The following ABCB10 variants were observed in gnomAD, a reference collection of about 807,000 sequenced individuals.
ABCB10 encodes the protein ATP-binding cassette sub-family B member 10, mitochondrial.
In ABCB10, 54 loss-of-function variants were observed where a neutral mutation model predicts 65.4. The observed-to-expected ratio is 0.83, with a 90% confidence interval of 0.66 to 1.04. The LOEUF (loss-of-function observed/expected upper bound fraction) is 1.04. Among genes scored for constraint, ABCB10 ranks in the 50% least tolerant of loss-of-function variants. The probability of loss-of-function intolerance (pLI) is 0.00; values close to 1 mark genes in which losing one functional copy is unlikely to be tolerated. For synonymous variants in ABCB10, 418 were observed against 406.5 expected, an observed-to-expected ratio of 1.03 and a Z score of -0.34; for missense variants, 846 against 976.6, an observed-to-expected ratio of 0.87 and a Z score of 1.78.
intron 6 of ABCB10, among the ~76,000 whole-genome samples, chr1:229,536,714 G>A (rs1412688849): frequency 6.6e-6 from 1 of 152,140 alleles, no homozygotes; most frequent in African/African-American, 2.4e-5. Context: ...CCAGCACTCT[G>A]GGAAGCAGAG....
intron 1 of ABCB10, among the ~76,000 whole-genome samples, chr1:229,557,635 T>C (rs1018098995): frequency 1.3e-5 from 2 of 152,218 alleles, no homozygotes; most frequent in African/African-American, 4.8e-5. Flanking sequence ...TGTAACTTCC[T>C]GCACAAGAGA....
intron 11 of ABCB10, among the ~76,000 whole-genome samples, chr1:229,520,074 CA>C (rs34054795): frequency 0.24 from 36,413 of 148,676 alleles, 4,748 homozygotes; most frequent in African/African-American, 0.33. Flanking sequence ...GTCAAGGCTA[CA>C]AGTGAGCCAT....
At position 229,518,823 on chromosome 1, in the gene ABCB10, T is replaced by C; in HGVS notation, c.1985+18A>G. 2 of 1,583,916 alleles carry C rather than the reference T, an allele frequency of 1.3e-6. No homozygotes were observed. The highest frequency in any genetic ancestry group is 1.7e-6 in the Non-Finnish European group (2 of 1,167,010). On this transcript the variant is annotated intron_variant, in intron 12 of 12. Coordinates refer to ENST00000344517, the MANE Select transcript of ABCB10 (RefSeq NM_012089.3). ...GGTTTAATACACACAATGGCATATA[T>C]TATTAAGATATCCTCACCTGGTTGC...
chr1:229,540,501 T>C, intron 5 of ABCB10, 105 bp downstream of exon 5: 1 of 1,227,512 alleles, frequency 8.1e-7, no homozygotes. Context: ...AAGACTAAAA[T>C]TTTAAAAATT....
At chr1:229,527,443 C>T in intron 8 of ABCB10, 135 bp from the exon 9 acceptor site, 1 of 736,230 alleles carries the variant, frequency 1.4e-6, no homozygotes, top group Non-Finnish European at 2.3e-6. Flanking sequence ...CAGATGGACT[C>T]TAAAACTAAC....
chr1:229,531,040 A>G (rs1307606100), intron 7 of ABCB10, among the ~76,000 whole-genome samples: 1 of 152,096 alleles, frequency 6.6e-6, no homozygotes, highest in Non-Finnish European at 1.5e-5. Flanking sequence ...GCTACCTGAC[A>G]ATGTCCTAGG....
At chr1:229,525,797 C>A (rs2102685135) in intron 10 of ABCB10, 139 bp downstream of exon 10, 1 of 998,644 alleles carries the variant, frequency 1.0e-6, no homozygotes, top group Non-Finnish European at 1.5e-6. Context: ...GCGCCACTGC[C>A]ACTGCACTCC....
rs547717909 is a variant in ABCB10, at chr1:229,528,871, T to C, written c.1645+1328A>G. On this transcript the variant is annotated intron_variant, in intron 8 of 12. Transcript: ENST00000344517. ...TCATGATTTGATTTTTACTAAGAGT[T>C]GTTTGCTTGCTGACATTGTTGTCTA... Among the ~76,000 whole-genome samples the C allele has an allele frequency of 8.9e-4, 135 of 152,248 alleles. 1 individual carries two copies. Among genetic ancestry groups the C allele is most frequent in the African/African-American group, 3.1e-3 (130 of 41,546 alleles).
At chr1:229,540,543 AG>A in intron 5 of ABCB10, 62 bp downstream of exon 5, 1 of 1,494,800 alleles carries the variant, frequency 6.7e-7, no homozygotes, top group Non-Finnish European at 9.0e-7. Flanking sequence ...TGAGCACCAC[AG>A]AATAAAACTC....
At chr1:229,529,306 A>AAAAAAAAAAAAAAAAAAAAAAAAAAAAAC (rs1662520397) in intron 8 of ABCB10, among the ~76,000 whole-genome samples, 1 of 124,790 alleles carries the variant, frequency 8.0e-6, no homozygotes, top group African/African-American at 3.1e-5. Context: ...AAAAAAAAAA[A>AAAAAAAAAAAAAAAAAAAAAAAAAAAAAC]AAAAAAAAAA....
In ABCB10 at chr1:229,558,481, G is replaced by A. The variant is rs1416790671; in HGVS notation, c.172C>T (p.Leu58=). The change falls in exon 1 of 13, where the codon CTG becomes TTG. Residue 58 remains leucine, a synonymous_variant. Transcript: ENST00000344517. ...CGCGCGGCTCCAACGCCCCAGAGCA[G>A]CGCGGGCCCCGCGCCCCATAGCCGC... ...PARLWGAGPA[L]LWGVGAARRW... The A allele has an allele frequency of 2.3e-6, 3 of 1,292,840 alleles. No individual in the cohort carries two copies. The highest frequency in any genetic ancestry group is 2.1e-5 in the South Asian group (1 of 48,668). 80.1% of individuals were successfully genotyped at this position (1,292,840 alleles called of 1,614,324 possible). A position where few individuals can be genotyped will look rare whatever the true frequency, so the allele number is the denominator to read the frequency against.
In ABCB10 at chr1:229,558,669, C is replaced by T. The variant is rs1347147585; in HGVS notation, c.-17G>A. The stretch of plus-strand genomic sequence containing the variant: ...GCCTCGCATGGCGCTGCGTGCGACC[C>T]GTACGCCTCAGCCCGCCGGCCAGGC... On this transcript the variant is annotated 5_prime_UTR_variant, in exon 1 of 13. Coordinates refer to ENST00000344517, the MANE Select transcript of ABCB10 (RefSeq NM_012089.3). 3.9e-6 allele frequency: 5 copies of T among 1,298,504 alleles called. No individual in the cohort carries two copies. Among genetic ancestry groups the T allele is most frequent in the Non-Finnish European group, 3.9e-6 (4 of 1,026,104 alleles). 80.4% of individuals were successfully genotyped at this position (1,298,504 alleles called of 1,614,324 possible).
At chr1:229,520,007 A>G (rs1416799614) in intron 11 of ABCB10, among the ~76,000 whole-genome samples, 1 of 150,782 alleles carries the variant, frequency 6.6e-6, no homozygotes, top group Non-Finnish European at 1.5e-5. Context: ...TATGGTATGC[A>G]CCTATAGTCC....
chr1:229,536,488 A>G (rs1019946311), intron 6 of ABCB10, among the ~76,000 whole-genome samples: 13 of 151,786 alleles, frequency 8.6e-5, no homozygotes, highest in Admixed American at 5.9e-4. Flanking sequence ...GCCTGGAGAC[A>G]GAGTAAGACC....
In ABCB10 at chr1:229,554,413, TTAAAA is replaced by T. The variant is rs374745639; in HGVS notation, c.517+3718_517+3722del. 4.6e-4 allele frequency among the ~76,000 whole-genome samples: 70 copies of T among 152,116 alleles called. 1 individual carries two copies. The highest frequency in any genetic ancestry group is 1.6e-3 in the African/African-American group (68 of 41,482). On this transcript the variant is annotated intron_variant, in intron 1 of 12. Transcript: ENST00000344517. ...AGTTAGGAGTATCCCAAAGACAAAA[TTAAAA>T]TAAAACAGTTAGGGGTACCTGTCCC... is the stretch of plus-strand genomic sequence containing the variant.
Position 229,523,645 on chromosome 1 carries a change from G to A in ABCB10, c.1907-2010C>T, listed in dbSNP as rs1571956672. On this transcript the variant is annotated intron_variant, in intron 10 of 12. Transcript: ENST00000344517. ...TCTGAGTCATGTGTGGTGCCAATCAGTACCCTGGGAATCTATTACTAGGTG... is the reference window on the plus strand; with the variant it reads ...TCTGAGTCATGTGTGGTGCCAATCAATACCCTGGGAATCTATTACTAGGTG... Among the ~76,000 whole-genome samples the A allele has an allele frequency of 2.0e-5, 3 of 152,242 alleles. No individual in the cohort carries two copies. The East Asian group carries it at 5.8e-4, about 29-fold the overall frequency.
Position 229,521,631 on chromosome 1 carries a change from C to T in ABCB10, c.1911G>A (p.Gly637=), listed in dbSNP as rs761962076. 2.5e-6 allele frequency: 4 copies of T among 1,612,826 alleles called. No homozygotes were observed. Among genetic ancestry groups the T allele is most frequent in the South Asian group, 2.2e-5 (2 of 90,908 alleles). ...GGGCAATCGCAATCCGCTGTTTCTG[C>T]CCACCTGACAAAGACAACATTTAAA... ...VGEKGVLLSG[G]QKQRIAIARA... The change falls in exon 11 of 13, where the codon GGG becomes GGA. Residue 637 remains glycine, a synonymous_variant. Coordinates refer to ENST00000344517, the MANE Select transcript of ABCB10 (RefSeq NM_012089.3).
intron 1 of ABCB10, among the ~76,000 whole-genome samples, chr1:229,557,453 A>C (rs553640962): frequency 1.2e-4 from 19 of 152,336 alleles, no homozygotes; most frequent in African/African-American, 4.6e-4. Context: ...AAAATTTTAG[A>C]TCTTACAAGG....
At chr1:229,543,400 G>T (rs533621378) in intron 3 of ABCB10, among the ~76,000 whole-genome samples, 2 of 152,146 alleles carry the variant, frequency 1.3e-5, no homozygotes, top group Non-Finnish European at 2.9e-5. Context: ...GCATCTCTTC[G>T]ACAAATTACT....
Sources: gnomAD v4.1 joint callset for allele counts (sites outside exome capture counted in the v4.1 genomes callset) on GRCh38, gnomAD v4.1.1 for gene constraint, MANE v1.5 for transcripts, NCBI Gene and HGNC (gene_info 2026-07-23, HGNC 2026-07-21) for gene names.